Variants in CRYBG2 observed in about 807,000 individuals in gnomAD.
CRYBG2 encodes the protein crystallin beta-gamma domain containing 2.
Under a neutral mutation model 153.4 loss-of-function variants are expected in CRYBG2, and 106 were observed. The observed-to-expected ratio is 0.69, with a 90% CI of 0.59 to 0.81. The LOEUF is 0.81. Ranked by LOEUF, CRYBG2 falls within the 30% of genes least tolerant of loss-of-function variation. CRYBG2 has a pLI of 0.00. For synonymous variants in CRYBG2, 851 were observed against 877.8 expected (o/e 0.97, Z 0.54); for missense variants, 1,996 against 2,112.0 (o/e 0.95, Z 1.08).
rs1293401437 is a variant in CRYBG2 at position 26,345,437 on chromosome 1, C to T, written c.1221G>A (p.Met407Ile). The T allele has an allele frequency of 6.2e-7, 1 of 1,606,764 alleles. No homozygotes were observed. The highest frequency in any genetic ancestry group is 8.5e-7 in the Non-Finnish European group (1 of 1,176,036). The change falls in exon 2 of 20, where the codon ATG becomes ATA. Residue 407 changes from methionine to isoleucine, a missense_variant. Coordinates refer to ENST00000308182, the MANE Select transcript of CRYBG2 (RefSeq NM_001039775.4). ...VDPPAATVLP[M>I]VRSEHVTVPG... The stretch of plus-strand genomic sequence containing the variant: ...GGACTGTCACATGCTCGCTCCTCAC[C>T]ATGGGCAGGACGGTGGCAGCAGGGG...
At position 26,343,326 on chromosome 1, in the gene CRYBG2, T is replaced by A. The variant is rs1385296258; in HGVS notation, c.2914-33A>T. 6.5e-7 allele frequency: 1 copy of A among 1,549,270 alleles called. No homozygotes were observed. The highest frequency in any genetic ancestry group is 8.7e-7 in the Non-Finnish European group (1 of 1,146,130). On this transcript the variant is annotated intron_variant, in intron 2 of 19. Coordinates refer to ENST00000308182, the MANE Select transcript of CRYBG2 (RefSeq NM_001039775.4). The surrounding 1 kb of genome is among the most constrained non-coding windows in gnomAD (Gnocchi z 4.1). ...GGAGGCAGGTGATAAAGAAGTCCTG[T>A]GGGGTCACCTCTTTTCTGCCTCCCC...
At chr1:26,349,339 G>A (rs1274273602) in intron 1 of CRYBG2, among the ~76,000 whole-genome samples, 1 of 152,044 alleles carries the variant, frequency 6.6e-6, no homozygotes, top group African/African-American at 2.4e-5. Flanking sequence ...AGGATGACGC[G>A]GCTATGAGGT....
In CRYBG2 at chr1:26,346,812, G is replaced by A; in HGVS notation, c.-55-100C>T. On this transcript the variant is annotated intron_variant, in intron 1 of 19. Coordinates refer to ENST00000308182, the MANE Select transcript of CRYBG2 (RefSeq NM_001039775.4). The surrounding 1 kb of genome is among the most constrained non-coding windows in gnomAD (Gnocchi z 4.9). ...ACCCAAGTCAGGCTGGGAACCTCAG[G>A]CAAATCGCTTGGCCTTTTTGGGCCA... 1.3e-6 allele frequency: 1 copy of A among 754,932 alleles called. No homozygotes were observed. The highest frequency in any genetic ancestry group is 2.8e-5 in the East Asian group (1 of 36,204). The allele number at this position is 754,932 out of a possible 1,614,324, so 46.8% of individuals were successfully genotyped here.
chr1:26,342,948 C>A (rs2074150184), intron 4 of CRYBG2, 65 bp from the exon 5 acceptor site: 1 of 1,592,282 alleles, frequency 6.3e-7, no homozygotes, highest in Admixed American at 1.8e-5. Flanking sequence ...TGCTGGGTAG[C>A]TGATGGGGTT....
rs747884990 is a variant in CRYBG2, at chr1:26,324,175, C to G, written c.4714G>C (p.Glu1572Gln). 6.2e-7 allele frequency: 1 copy of G among 1,613,640 alleles called. No homozygotes were observed. The highest frequency in any genetic ancestry group is 2.2e-5 in the East Asian group (1 of 44,856). Reference sequence around the variant, plus strand: ...ACCTGGTTCTTCAGCAGCCCATCCTCGTAGTACCAGATGCAGCTACCTCCA... The same window carrying G: ...ACCTGGTTCTTCAGCAGCCCATCCTGGTAGTACCAGATGCAGCTACCTCCA... ...QAGGSCIWYYEDGLLKNQMAP... is the reference protein window; with the variant it reads ...QAGGSCIWYYQDGLLKNQMAP... Residue 1572 changes from glutamate to glutamine, a missense_variant, in exon 18 of 20, where the codon GAG (glutamate) becomes CAG (glutamine). Glu to Gln is a conservative substitution (Grantham distance 29). Coordinates refer to ENST00000308182, the MANE Select transcript of CRYBG2 (RefSeq NM_001039775.4).
In CRYBG2 at chr1:26,325,610, T is replaced by C. The variant is rs991879448; in HGVS notation, c.4579-1300A>G. On this transcript the variant is annotated intron_variant, in intron 17 of 19. Coordinates refer to ENST00000308182, the MANE Select transcript of CRYBG2 (RefSeq NM_001039775.4). The surrounding 1 kb of genome is among the most constrained non-coding windows in gnomAD (Gnocchi z 4.1). ...AAAAAAATGAATGCACTCCCACAGA[T>C]ACACACACACACACACACACACACA... is the stretch of plus-strand genomic sequence containing the variant. Among the ~76,000 whole-genome samples, 22 of 148,946 alleles carry C rather than the reference T, an allele frequency of 1.5e-4. No individual in the cohort carries two copies. The highest frequency in any genetic ancestry group is 2.8e-4 in the Non-Finnish European group (19 of 67,368).
In CRYBG2 at chr1:26,324,140, C is replaced by T. The variant is rs1375031208; in HGVS notation, c.4737+12G>A. On this transcript the variant is annotated intron_variant, in intron 18 of 19. Transcript: ENST00000308182. ...GGCCAGGGTGTCCCTGTGCCAGCCC[C>T]TGTATCAGTACCTGGTTCTTCAGCA... The T allele has an allele frequency of 6.2e-7, 1 of 1,611,386 alleles. No individual in the cohort carries two copies. The highest frequency in any genetic ancestry group is 8.5e-7 in the Non-Finnish European group (1 of 1,178,496).
rs1326989843 is a variant in CRYBG2, at chr1:26,343,008, G to A, written c.3074+39C>T. ...CTCACTCCCCTCTGCATCCCCCCAGGTTCACAGCCAAGTGCCTTGCTGGGC... is the reference window on the plus strand; with the variant it reads ...CTCACTCCCCTCTGCATCCCCCCAGATTCACAGCCAAGTGCCTTGCTGGGC... On this transcript the variant is annotated intron_variant, in intron 4 of 19. Coordinates refer to ENST00000308182, the MANE Select transcript of CRYBG2 (RefSeq NM_001039775.4). This position sits in a 1 kb window ranked among gnomAD's most constrained non-coding sequence, Gnocchi z 4.1. The A allele has an allele frequency of 6.5e-7, 1 of 1,535,860 alleles. No homozygotes were observed. The highest frequency in any genetic ancestry group is 8.8e-7 in the Non-Finnish European group (1 of 1,137,000).
chr1:26,353,791 C>G (rs2074309840), intron 1 of CRYBG2, among the ~76,000 whole-genome samples: 1 of 152,170 alleles, frequency 6.6e-6, no homozygotes, highest in African/African-American at 2.4e-5. Context: ...TCCTGCCCAT[C>G]CTCTCCCTGA....
chr1:26,331,734 G>T, intron 14 of CRYBG2, 116 bp from the exon 15 acceptor site: 1 of 1,402,036 alleles, frequency 7.1e-7, no homozygotes, highest in Non-Finnish European at 9.7e-7. Context: ...TGTCCCAGGG[G>T]AGGTGGGATG....
chr1:26,323,788 G>A (rs889633528), intron 18 of CRYBG2, among the ~76,000 whole-genome samples: 1 of 151,828 alleles, frequency 6.6e-6, no homozygotes, highest in Non-Finnish European at 1.5e-5. Flanking sequence ...TTAATTTTTT[G>A]TTTGGCCTCA....
rs371600250 is a variant in CRYBG2 at position 26,352,761 on chromosome 1, C to G, written c.-56+1275G>C. Among the ~76,000 whole-genome samples, 145 of 149,218 alleles carry G rather than the reference C, an allele frequency of 9.7e-4. 2 individuals are homozygous for G. In the East Asian group the frequency reaches 0.02, roughly 21 times the overall value. Reference sequence around the variant, plus strand: ...CCCAGCTAACCCTACTTCTCTTTCCCGTCCCCCTCTCCAAGGTAGCCTCCT... The same window carrying G: ...CCCAGCTAACCCTACTTCTCTTTCCGGTCCCCCTCTCCAAGGTAGCCTCCT... On this transcript the variant is annotated intron_variant, in intron 1 of 19. Transcript: ENST00000308182.
rs142164821 is a variant in CRYBG2 at position 26,328,297 on chromosome 1, C to T, written c.4490G>A (p.Arg1497His). 9.7e-5 allele frequency: 152 copies of T among 1,571,126 alleles called. No individual in the cohort carries two copies. In the African/African-American group the frequency reaches 1.6e-3, roughly 17 times the overall value. Residue 1497 changes from arginine (R) to histidine (H), a missense_variant, in exon 17 of 20, where the codon CGC becomes CAC. Arg to His is a conservative substitution (Grantham distance 29, BLOSUM62 0). Coordinates refer to ENST00000308182, the MANE Select transcript of CRYBG2 (RefSeq NM_001039775.4). ...VLCEHSDFRG[R>H]QWLVGSCEIT... ...CTCGCAGCTTCCCACCAGCCACTGG[C>T]GGCCCCGGAAGTCACTGTGTTCACA...
intron 14 of CRYBG2, 108 bp from the exon 15 acceptor site, chr1:26,331,726 TC>T: frequency 7.0e-7 from 1 of 1,426,674 alleles, no homozygotes. Context: ...TGATCCCCTG[TC>T]CCAGGGGAGG....
chr1:26,326,406 C>T lies in CRYBG2; in HGVS notation c.4578+1803G>A, dbSNP rs376925690. On this transcript the variant is annotated intron_variant, in intron 17 of 19. Transcript: ENST00000308182. ...CAAAAAAATTAGCCGGGCATGGTGG[C>T]GGGTGCCTGTAGTCCCAGCTACTCA... 3.9e-3 allele frequency among the ~76,000 whole-genome samples: 585 copies of T among 151,714 alleles called. 2 individuals are homozygous for T. The highest frequency in any genetic ancestry group is 0.014 in the African/African-American group (569 of 41,382).
intron 14 of CRYBG2, among the ~76,000 whole-genome samples, chr1:26,332,304 G>A (rs1440872186): frequency 3.0e-5 from 3 of 100,456 alleles, no homozygotes; most frequent in South Asian, 6.3e-4. Context: ...GAGACTCCGT[G>A]TCAAAAAAAA....
At chr1:26,333,046 A>AAAT (rs2074016551) in intron 14 of CRYBG2, among the ~76,000 whole-genome samples, 1 of 136,704 alleles carries the variant, frequency 7.3e-6, no homozygotes, top group African/African-American at 2.8e-5. Flanking sequence ...AAAAAAAAAA[A>AAAT]GATTTCTAAC....
rs1557710017 is a variant in CRYBG2, at chr1:26,336,956, G to C, written c.3796C>G (p.Leu1266Val). The C allele has an allele frequency of 2.5e-6, 4 of 1,613,524 alleles. No homozygotes were observed. The highest frequency in any genetic ancestry group is 3.3e-5 in the Admixed American group (2 of 59,934). The change falls in exon 11 of 20, where the codon CTA becomes GTA. Residue 1266 changes from leucine to valine, a missense_variant. By Grantham distance (32) the Leu-to-Val change is conservative. Transcript: ENST00000308182. The surrounding 1 kb of genome is among the most constrained non-coding windows in gnomAD (Gnocchi z 4.9). Reference protein sequence around the residue: ...RTDFGDPAVVLFEAMDFEGHG... With the variant: ...RTDFGDPAVVVFEAMDFEGHG... ...CCCTCGAAGTCCATGGCCTCAAATAGCACGACGGCCGGGTCCCCGAAGTCC... is the reference window on the plus strand; with the variant it reads ...CCCTCGAAGTCCATGGCCTCAAATACCACGACGGCCGGGTCCCCGAAGTCC...
intron 6 of CRYBG2, 64 bp from the exon 7 acceptor site, chr1:26,338,541 GC>G (rs750732808): frequency 3.4e-6 from 5 of 1,490,056 alleles, no homozygotes; most frequent in Non-Finnish European, 4.5e-6. Flanking sequence ...AGATTGGTGG[GC>G]GGGAGGGAAG....
Sources: gnomAD v4.1 joint callset for allele counts (sites outside exome capture counted in the v4.1 genomes callset) on GRCh38, gnomAD v4.1.1 for gene constraint, Gnocchi (gnomAD v3.1) non-coding constraint, MANE v1.5 for transcripts, NCBI Gene and HGNC (gene_info 2026-07-23, HGNC 2026-07-21) for gene names.